ABRA: variants seen among roughly 807,000 people sequenced by gnomAD.
The protein encoded by ABRA is actin-binding Rho-activating protein.
A neutral mutation model predicts 33.4 loss-of-function variants in ABRA; 25 were observed. The ratio of observed to expected loss-of-function variants is 0.75; its 90% confidence interval spans 0.55 to 1.04. ABRA has a LOEUF of 1.04. Among genes scored for constraint, ABRA ranks in the 50% least tolerant of loss-of-function variants. ABRA has a pLI of 0.00. For missense variants in ABRA, 501 were observed against 491.7 expected (o/e 1.02, Z -0.18); for synonymous variants, 193 against 176.8 (o/e 1.09, Z -0.73).
At chr8:106,762,328 G>A (rs150848840) in intron 1 of ABRA, among the ~76,000 whole-genome samples, 1 of 152,288 alleles carries the variant, frequency 6.6e-6, no homozygotes, top group African/African-American at 2.4e-5. Flanking sequence ...TGACGTTGCA[G>A]GATTCAAACG....
chr8:106,760,036 A>G lies in ABRA; in HGVS notation c.*1001T>C, dbSNP rs922582538. ...CTGTTTTTAATTCACCAATGATTCT[A>G]TGGGATTTTTCTAATACTGAACATT... On this transcript the variant is annotated 3_prime_UTR_variant, in exon 2 of 2. Transcript: ENST00000311955. The G allele has an allele frequency of 7.9e-5, 12 of 152,204 alleles. No individual in the cohort carries two copies. Among genetic ancestry groups the G allele is most frequent in the African/African-American group, 2.9e-4 (12 of 41,458 alleles). The allele number at this position is 152,204 out of a possible 1,614,324, so 9.4% of individuals were successfully genotyped here.
At chr8:106,765,280 G>A (rs1836199706) in intron 1 of ABRA, among the ~76,000 whole-genome samples, 1 of 152,022 alleles carries the variant, frequency 6.6e-6, no homozygotes, top group Non-Finnish European at 1.5e-5. Flanking sequence ...GAAAACACTG[G>A]CACTGAAAAC....
In ABRA at chr8:106,760,939, A is replaced by G. The variant is rs1426813966; in HGVS notation, c.*98T>C. 1.0e-5 allele frequency: 11 copies of G among 1,080,072 alleles called. No individual in the cohort carries two copies. Among genetic ancestry groups the G allele is most frequent in the Non-Finnish European group, 1.5e-5 (11 of 737,236 alleles). 66.9% of individuals were successfully genotyped at this position (1,080,072 alleles called of 1,614,324 possible). On this transcript the variant is annotated 3_prime_UTR_variant, in exon 2 of 2. Coordinates refer to ENST00000311955, the MANE Select transcript of ABRA (RefSeq NM_139166.5). ...TTTATGTAAAAATTGTTTAATATTT[A>G]CTAACTTATTACAGAGAGTTTGCAT... is the stretch of plus-strand genomic sequence containing the variant.
chr8:106,769,081 T>C (rs886739194), intron 1 of ABRA, among the ~76,000 whole-genome samples: 1 of 152,200 alleles, frequency 6.6e-6, no homozygotes, highest in African/African-American at 2.4e-5. Flanking sequence ...ATGGGTGTTA[T>C]TGAAGCAGAC....
intron 1 of ABRA, among the ~76,000 whole-genome samples, chr8:106,767,455 T>C (rs541043218): frequency 6.6e-6 from 1 of 152,354 alleles, no homozygotes; most frequent in East Asian, 1.9e-4. Context: ...CATGAACTCC[T>C]ACATTAAGCA....
intron 1 of ABRA, among the ~76,000 whole-genome samples, chr8:106,769,075 G>A (rs1769774571): frequency 6.6e-6 from 1 of 152,162 alleles, no homozygotes; most frequent in Non-Finnish European, 1.5e-5. Flanking sequence ...TATTCCATGG[G>A]TGTTATTGAA....
In ABRA at chr8:106,770,008, T is replaced by A. The variant is rs1563782731; in HGVS notation, c.183A>T (p.Gln61His). The change falls in exon 1 of 2, where the codon CAA becomes CAT. Residue 61 changes from glutamine to histidine, a missense_variant. Gln to His is a conservative substitution (Grantham distance 24). Coordinates refer to ENST00000311955, the MANE Select transcript of ABRA (RefSeq NM_139166.5). ...TAGGGGGTGTGATTGGTTTAGGAGC[T>A]TGAGGTGAGTCCTGGGTCCCTCCCG... ...WLPGGTQDSP[Q>H]APKPITPPTS... 5.0e-6 allele frequency: 8 copies of A among 1,613,934 alleles called. No individual in the cohort carries two copies. Among genetic ancestry groups the A allele is most frequent in the Non-Finnish European group, 6.8e-6 (8 of 1,180,002 alleles).
At chr8:106,764,817 C>T (rs2131631589) in intron 1 of ABRA, among the ~76,000 whole-genome samples, 1 of 152,014 alleles carries the variant, frequency 6.6e-6, no homozygotes, top group East Asian at 1.9e-4. Context: ...GAAAATAGGG[C>T]TAGGAAAAAA....
rs186162876 is a variant in ABRA, at chr8:106,769,578, C to A, written c.613G>T (p.Glu205Ter). The part of the protein sequence containing the change: ...GYGGEAEERP[E>*]QDGVQVAVVR... ...ACAGCCACCTGCACTCCATCCTGCT[C>A]GGGCCTCTCCTCAGCCTCTCCTCCA... Residue 205 changes from glutamate to a stop codon, truncating the protein, a stop_gained, in exon 1 of 2, where the codon GAG (glutamate) becomes TAG (stop). Coordinates refer to ENST00000311955, the MANE Select transcript of ABRA (RefSeq NM_139166.5). LOFTEE classifies it high-confidence loss of function. The A allele has an allele frequency of 2.5e-6, 4 of 1,614,180 alleles. No homozygotes were observed. The East Asian group carries it at 8.9e-5, about 36-fold the overall frequency.
At chr8:106,767,823 C>T (rs1228418891) in intron 1 of ABRA, among the ~76,000 whole-genome samples, 8 of 152,200 alleles carry the variant, frequency 5.3e-5, no homozygotes, top group South Asian at 2.1e-4. Flanking sequence ...CTTTAGGCCG[C>T]GTGCGGTGGC....
chr8:106,769,818 T>C lies in ABRA; in HGVS notation c.373A>G (p.Ser125Gly). The C allele has an allele frequency of 6.2e-7, 1 of 1,614,198 alleles. No individual in the cohort carries two copies. Among genetic ancestry groups the C allele is most frequent in the South Asian group, 1.1e-5 (1 of 91,084 alleles). Residue 125 changes from serine (S) to glycine (G), a missense_variant, in exon 1 of 2, where the codon AGC (serine) becomes GGC (glycine). Physicochemically the swap from Ser to Gly is moderately conservative, Grantham distance 56. Coordinates refer to ENST00000311955, the MANE Select transcript of ABRA (RefSeq NM_139166.5). The part of the protein sequence containing the change: ...SKTYERGGDV[S>G]HLSHRYERDA... ...CTCTCGTACCTGTGGCTGAGGTGGC[T>C]CACGTCCCCTCCTCTCTCATAAGTC... is the stretch of plus-strand genomic sequence containing the variant.
At chr8:106,769,285 A>G in intron 1 of ABRA, among the ~76,000 whole-genome samples, 1 of 152,328 alleles carries the variant, frequency 6.6e-6, no homozygotes, top group East Asian at 1.9e-4. Context: ...TTGAGTGTTC[A>G]GTTCAAAACA....
In ABRA at chr8:106,769,917, C is replaced by T. The variant is rs1810580423; in HGVS notation, c.274G>A (p.Gly92Arg). 1 of 1,614,066 alleles carries T rather than the reference C, an allele frequency of 6.2e-7. No individual in the cohort carries two copies. Among genetic ancestry groups the T allele is most frequent in the Non-Finnish European group, 8.5e-7 (1 of 1,180,016 alleles). The part of the protein sequence containing the change: ...PPRLPEGHGD[G>R]QSSEKAPEVS... The stretch of plus-strand genomic sequence containing the variant: ...TCAGGGGCTTTCTCTGAGCTTTGTC[C>T]ATCTCCATGTCCTTCTGGCAGGCGG... Residue 92 changes from glycine to arginine, a missense_variant, in exon 1 of 2, where the codon GGA becomes AGA. Coordinates refer to ENST00000311955, the MANE Select transcript of ABRA (RefSeq NM_139166.5).
rs1836109433 is a variant in ABRA, at chr8:106,759,736, A to G, written c.*1301T>C. 1 of 152,212 alleles carries G rather than the reference A, an allele frequency of 6.6e-6. No homozygotes were observed. The highest frequency in any genetic ancestry group is 2.4e-5 in the African/African-American group (1 of 41,468). 9.4% of individuals were successfully genotyped at this position (152,212 alleles called of 1,614,324 possible). Reference sequence around the variant, plus strand: ...AGTCTAATACCTATTATTTTGAGGTATCATATTTAGACATTAATTTTTACA... The same window carrying G: ...AGTCTAATACCTATTATTTTGAGGTGTCATATTTAGACATTAATTTTTACA... On this transcript the variant is annotated 3_prime_UTR_variant, in exon 2 of 2. Coordinates refer to ENST00000311955, the MANE Select transcript of ABRA (RefSeq NM_139166.5).
chr8:106,764,768 A>AAG (rs1166421887), intron 1 of ABRA, among the ~76,000 whole-genome samples: 1 of 152,206 alleles, frequency 6.6e-6, no homozygotes, highest in Non-Finnish European at 1.5e-5. Flanking sequence ...AATTGGAGGG[A>AAG]AGAACACCAA....
rs79457303 is a variant in ABRA at position 106,769,739 on chromosome 8, A to G, written c.452T>C (p.Leu151Pro). The change falls in exon 1 of 2, where the codon CTC becomes CCC. Residue 151 changes from leucine (L) to proline (P), a missense_variant. Transcript: ENST00000311955. ...CCGCGTTGGGGAGCCGTGGCTGTGGAGGATTCTGTCAATGTCATTCTCTGG... is the reference window on the plus strand; with the variant it reads ...CCGCGTTGGGGAGCCGTGGCTGTGGGGGATTCTGTCAATGTCATTCTCTGG... ...GQPENDIDRI[L>P]HSHGSPTRRR... 1 of 1,614,108 alleles carries G rather than the reference A, an allele frequency of 6.2e-7. No individual in the cohort carries two copies. The highest frequency in any genetic ancestry group is 8.5e-7 in the Non-Finnish European group (1 of 1,180,010).
intron 1 of ABRA, among the ~76,000 whole-genome samples, chr8:106,769,208 T>C (rs924699576): frequency 2.6e-5 from 4 of 152,232 alleles, no homozygotes; most frequent in Non-Finnish European, 5.9e-5. Flanking sequence ...ATTATAGAAC[T>C]GACTTAAAGA....
Position 106,760,117 on chromosome 8 carries a change from T to C in ABRA, c.*920A>G, listed in dbSNP as rs1836115008. ...TGTTGGAGAAATACATATCATTGCA[T>C]TGATGTTAATGCAAGCAGCTTGACT... On this transcript the variant is annotated 3_prime_UTR_variant, in exon 2 of 2. Transcript: ENST00000311955. 6.6e-6 allele frequency: 1 copy of C among 152,214 alleles called. No homozygotes were observed. The allele number at this position is 152,214 out of a possible 1,614,324, so 9.4% of individuals were successfully genotyped here.
chr8:106,769,091 C>T lies in ABRA; in HGVS notation c.668+432G>A, dbSNP rs1252539441. Among the ~76,000 whole-genome samples the T allele has an allele frequency of 2.0e-5, 3 of 152,270 alleles. 1 individual carries two copies. Among genetic ancestry groups the T allele is most frequent in the South Asian group, 4.1e-4 (2 of 4,826 alleles). On this transcript the variant is annotated intron_variant, in intron 1 of 1. Transcript: ENST00000311955. ...ATTCCATGGGTGTTATTGAAGCAGA[C>T]GTATCTCCTGATAATAGCATAGACA...
Sources: gnomAD v4.1 joint callset for allele counts (sites outside exome capture counted in the v4.1 genomes callset) on GRCh38, gnomAD v4.1.1 for gene constraint, MANE v1.5 for transcripts, NCBI Gene and HGNC (gene_info 2026-07-23, HGNC 2026-07-21) for gene names.